The following GALNT13 variants were observed in gnomAD, a reference collection of about 807,000 sequenced individuals.
The protein encoded by GALNT13 is polypeptide N-acetylgalactosaminyltransferase 13.
GALNT13 carries 28 observed loss-of-function variants against 64.2 expected under a neutral mutation model. The ratio of observed to expected loss-of-function variants is 0.44; its 90% confidence interval spans 0.32 to 0.60. The LOEUF (loss-of-function observed/expected upper bound fraction) is 0.60, where lower values mean the gene tolerates loss of function less well. Among genes scored for constraint, GALNT13 ranks in the 20% least tolerant of loss-of-function variants. GALNT13 has a pLI of 0.05. For synonymous variants in GALNT13, 214 were observed against 224.6 expected (o/e 0.95, Z 0.42); for missense variants, 577 against 669.8 (o/e 0.86, Z 1.53).
At chr2:153,628,674 C>G in the GALNT13 span, among the ~76,000 whole-genome samples, 3 of 152,154 alleles carry the variant, frequency 2.0e-5, no homozygotes, top group Non-Finnish European at 4.4e-5. Flanking sequence ...ATTGAACCAG[C>G]CTTGCATCCC....
chr2:154,376,009 A>G (rs1389421663), intron 9 of GALNT13, among the ~76,000 whole-genome samples: 1 of 152,244 alleles, frequency 6.6e-6, no homozygotes. Flanking sequence ...CAGCTTTTAC[A>G]AAATACAAAG....
the GALNT13 span, among the ~76,000 whole-genome samples, chr2:153,691,640 C>A: frequency 4.0e-5 from 6 of 151,624 alleles, no homozygotes; most frequent in African/African-American, 1.5e-4. Context: ...CGAATAAACA[C>A]AAGAAAAAAA....
the GALNT13 span, among the ~76,000 whole-genome samples, chr2:153,635,428 G>GTATATATATATATATATATATGTA: frequency 1.4e-5 from 2 of 142,520 alleles, no homozygotes; most frequent in Non-Finnish European, 1.5e-5. Flanking sequence ...ACATATATAT[G>GTATATATATATATATATATATGTA]TATATATATA....
the GALNT13 span, among the ~76,000 whole-genome samples, chr2:153,827,074 A>G: frequency 1.3e-5 from 2 of 152,072 alleles, no homozygotes. Context: ...TTGGACTTAG[A>G]GTCTCACATG....
the GALNT13 span, among the ~76,000 whole-genome samples, chr2:153,819,668 T>C: frequency 6.6e-6 from 1 of 152,254 alleles, no homozygotes; most frequent in Non-Finnish European, 1.5e-5. Flanking sequence ...ACTCACCTGC[T>C]ATGCCACAGC....
At chr2:153,485,010 A>G in the GALNT13 span, among the ~76,000 whole-genome samples, 4 of 152,192 alleles carry the variant, frequency 2.6e-5, no homozygotes, top group Admixed American at 2.0e-4. Context: ...ACCAAGAGTT[A>G]TGATTTTTAA....
At chr2:153,205,300 T>C in the GALNT13 span, among the ~76,000 whole-genome samples, 2 of 152,116 alleles carry the variant, frequency 1.3e-5, no homozygotes, top group South Asian at 2.1e-4. Flanking sequence ...AGGCCCTTCT[T>C]ATTTCATGGC....
At chr2:153,821,636 A>T in the GALNT13 span, among the ~76,000 whole-genome samples, 1 of 152,118 alleles carries the variant, frequency 6.6e-6, no homozygotes, top group Non-Finnish European at 1.5e-5. Flanking sequence ...TCAAGAGGTT[A>T]AAAAGATGTC....
chr2:153,125,144 G>A, the GALNT13 span, among the ~76,000 whole-genome samples: 1 of 152,176 alleles, frequency 6.6e-6, no homozygotes, highest in Non-Finnish European at 1.5e-5. Context: ...ATATTGATTT[G>A]AAATTTGAAT....
At chr2:153,902,434 A>G (rs1198692997) in intron 2 of GALNT13, among the ~76,000 whole-genome samples, 2 of 152,122 alleles carry the variant, frequency 1.3e-5, no homozygotes, top group Non-Finnish European at 2.9e-5. Context: ...AGTAAGTGGG[A>G]GAGAAAGACA....
the GALNT13 span, among the ~76,000 whole-genome samples, chr2:153,661,020 A>G: frequency 6.6e-6 from 1 of 152,098 alleles, no homozygotes; most frequent in East Asian, 1.9e-4. Context: ...CAGGATAGGT[A>G]TAAATAGGGG....
At chr2:153,404,281 G>A in the GALNT13 span, among the ~76,000 whole-genome samples, 1 of 152,154 alleles carries the variant, frequency 6.6e-6, no homozygotes, top group African/African-American at 2.4e-5. Flanking sequence ...ATGAAAGTGA[G>A]GAGAATTAGC....
chr2:154,277,469 T>C (rs1053162933), intron 8 of GALNT13, among the ~76,000 whole-genome samples: 11 of 152,328 alleles, frequency 7.2e-5, no homozygotes, highest in Middle Eastern at 3.4e-3. Flanking sequence ...TAGTGATGTC[T>C]ATCTTCATTA....
At chr2:153,312,495 A>AT in the GALNT13 span, among the ~76,000 whole-genome samples, 1 of 152,138 alleles carries the variant, frequency 6.6e-6, no homozygotes, top group Non-Finnish European at 1.5e-5. Flanking sequence ...TCAGAGGCTG[A>AT]TGTTCAGGGG....
intron 2 of GALNT13, among the ~76,000 whole-genome samples, chr2:153,904,643 T>C (rs1445404556): frequency 6.6e-6 from 1 of 151,902 alleles, no homozygotes; most frequent in Non-Finnish European, 1.5e-5. Context: ...ATTGTGTTGA[T>C]TTTTAAAATT....
intron 3 of GALNT13, among the ~76,000 whole-genome samples, chr2:154,102,252 C>T (rs576893273): frequency 6.6e-6 from 1 of 152,250 alleles, no homozygotes; most frequent in South Asian, 2.1e-4. Flanking sequence ...TCTACAACCA[C>T]AGCTAGTGCT....
chr2:153,321,405 A>T, the GALNT13 span, among the ~76,000 whole-genome samples: 2 of 152,242 alleles, frequency 1.3e-5, no homozygotes, highest in South Asian at 4.1e-4. Flanking sequence ...GCCTTCATGA[A>T]ATCTGTAGTT....
chr2:154,186,044 C>T (rs1686231235), intron 4 of GALNT13, among the ~76,000 whole-genome samples: 1 of 151,980 alleles, frequency 6.6e-6, no homozygotes, highest in Admixed American at 6.6e-5. Context: ...CTAATAGCAT[C>T]ACCAATCTCA....
At chr2:153,074,135 C>G in the GALNT13 span, among the ~76,000 whole-genome samples, 16 of 152,092 alleles carry the variant, frequency 1.1e-4, no homozygotes, top group Non-Finnish European at 1.8e-4. Flanking sequence ...CTGGCTAAAT[C>G]CATTAACTTA....
Sources: allele counts gnomAD v4.1 joint callset (sites outside exome capture counted in the v4.1 genomes callset), GRCh38; gene constraint gnomAD v4.1.1; transcripts MANE v1.5; gene names NCBI Gene and HGNC (gene_info 2026-07-23, HGNC 2026-07-21).